KIF7: variants seen among roughly 807,000 people sequenced by gnomAD.
The protein encoded by KIF7 is kinesin family member 7.
In KIF7, 104 loss-of-function variants were observed where a neutral mutation model predicts 135.7. The ratio of observed to expected loss-of-function variants is 0.77; its 90% CI spans 0.65 to 0.90. KIF7 has a LOEUF of 0.90. Among genes scored for constraint, KIF7 ranks in the 40% least tolerant of loss-of-function variants. The probability of loss-of-function intolerance (pLI) is 0.00; values close to 1 mark genes in which losing one functional copy is unlikely to be tolerated. For synonymous variants in KIF7, 883 were observed against 809.4 expected, an observed-to-expected ratio of 1.09 and a Z score of -1.54; for missense variants, 2,005 against 1,839.1, an observed-to-expected ratio of 1.09 and a Z score of -1.65.
rs780178459 is a variant in KIF7, at chr15:89,631,707, G to A, written c.2899C>T (p.Leu967Phe). The change falls in exon 15 of 19, where the codon CTC becomes TTC. Residue 967 changes from leucine to phenylalanine, a missense_variant. Coordinates refer to ENST00000394412, the MANE Select transcript of KIF7 (RefSeq NM_198525.3). ...ESKRLRSSQALNEDIVRVSSR... is the reference protein window; with the variant it reads ...ESKRLRSSQAFNEDIVRVSSR... ...GACACTCGCACGATGTCCTCGTTGA[G>A]GGCCTGGGGGCAGAATCACCAGGGA... 9 of 1,551,006 alleles carry A rather than the reference G, an allele frequency of 5.8e-6. No homozygotes were observed. The highest frequency in any genetic ancestry group is 2.4e-5 in the South Asian group (2 of 84,116).
rs1963361669 is a variant in KIF7 at position 89,617,920 on chromosome 15, G to C, written c.*75+109C>G. The C allele has an allele frequency of 3.4e-5, 17 of 500,316 alleles. No individual in the cohort carries two copies. In the East Asian group the frequency reaches 5.7e-4, roughly 17 times the overall value. 31.0% of individuals were successfully genotyped at this position (500,316 alleles called of 1,614,324 possible). On this transcript the variant is annotated intron_variant and NMD_transcript_variant, in intron 2 of 2. Coordinates refer to the KIF7 transcript ENST00000558928. The stretch of plus-strand genomic sequence containing the variant: ...TTGGCCAGACTGGTCTCGAACTCCT[G>C]ACCTCAAGTGATCCGCCCGCCTTAG...
upstream of KIF7, among the ~76,000 whole-genome samples, chr15:89,655,920 G>A (rs530481201): frequency 6.6e-6 from 1 of 152,260 alleles, no homozygotes; most frequent in African/African-American, 2.4e-5. Context: ...CACCAGGAGG[G>A]GCAGGAGAGG....
rs1964143049 is a variant in KIF7, at chr15:89,652,724, G to C, written c.207C>G (p.Ala69=). The C allele has an allele frequency of 1.9e-6, 3 of 1,551,754 alleles. No individual in the cohort carries two copies. The East Asian group carries it at 7.3e-5, about 38-fold the overall frequency. The change falls in exon 2 of 19, where the codon GCC becomes GCG. Residue 69 remains alanine (A), a synonymous_variant. Coordinates refer to ENST00000394412, the MANE Select transcript of KIF7 (RefSeq NM_198525.3). ...GGGGCTGAACGCAGGCCTGGTACAC[G>C]GCCTCCTGCCCCGCATCCTCGGCCA... ...VVLAEDAGQE[A]VYQACVQPLL... is the part of the protein sequence containing the mutation.
intron 12 of KIF7, 79 bp downstream of exon 12, chr15:89,633,607 T>G (rs1405194944): frequency 6.6e-7 from 1 of 1,508,902 alleles, no homozygotes; most frequent in Non-Finnish European, 9.0e-7. Flanking sequence ...TTGCAAACCC[T>G]GCCTGGGCTC....
At chr15:89,652,545 C>A in intron 2 of KIF7, 58 bp downstream of exon 2, 1 of 1,316,504 alleles carries the variant, frequency 7.6e-7, no homozygotes. Context: ...AGGCAGAAAT[C>A]CAGGAAGGAA....
chr15:89,644,477 C>G (rs1596075585), intron 10 of KIF7, among the ~76,000 whole-genome samples: 1 of 151,836 alleles, frequency 6.6e-6, no homozygotes, highest in East Asian at 1.9e-4. Context: ...GAGTTCAACA[C>G]CAGCCTGGCC....
downstream of KIF7, chr15:89,623,879 C>T (rs188525807): frequency 1.2e-5 from 19 of 1,613,950 alleles, no homozygotes; most frequent in East Asian, 2.2e-4. Context: ...TCTCTTGAAA[C>T]GAAGACACCA....
rs904688190 is a variant in KIF7, at chr15:89,629,529, G to A, written c.3363C>T (p.Phe1121=). Residue 1121 remains phenylalanine, a synonymous_variant, in exon 17 of 19, where the codon TTC becomes TTT. Transcript: ENST00000394412. ...REEQHQQQIA[F]SELEMQLEEQ... is the part of the protein sequence containing the mutation. ...CCTCCAGCTGCATCTCCAGTTCCGAGAAGGCAATCTGCTGCTGGTGCTGCT... is the reference window on the plus strand; with the variant it reads ...CCTCCAGCTGCATCTCCAGTTCCGAAAAGGCAATCTGCTGCTGGTGCTGCT... 3 of 1,610,320 alleles carry A rather than the reference G, an allele frequency of 1.9e-6. No homozygotes were observed. The highest frequency in any genetic ancestry group is 1.7e-6 in the Non-Finnish European group (2 of 1,179,996).
At chr15:89,654,176 A>AT (rs1340002980) in intron 1 of KIF7, among the ~76,000 whole-genome samples, 2 of 151,722 alleles carry the variant, frequency 1.3e-5, no homozygotes, top group African/African-American at 4.8e-5. Context: ...CGCCCGGCTA[A>AT]TTTTTTGTAT....
upstream of KIF7, among the ~76,000 whole-genome samples, chr15:89,655,696 C>G (rs1003893599): frequency 9.2e-5 from 14 of 152,318 alleles, no homozygotes; most frequent in African/African-American, 3.4e-4. Context: ...TCCAGACCAT[C>G]CTGTCCTCAG....
downstream of KIF7, chr15:89,625,745 G>A: frequency 6.2e-7 from 1 of 1,612,772 alleles, no homozygotes; most frequent in Non-Finnish European, 8.5e-7. Flanking sequence ...TGGAGTGCAT[G>A]GCAGCTACCC....
chr15:89,652,373 A>G lies in KIF7; in HGVS notation c.328+230T>C, dbSNP rs577696750. 1.1e-4 allele frequency among the ~76,000 whole-genome samples: 16 copies of G among 150,630 alleles called. 1 individual carries two copies. In the Middle Eastern group the frequency reaches 0.014, roughly 128 times the overall value. ...AGCCAGGCAGCATGGCGCCATCTCT[A>G]TGGAGGTGAGAAGGCCACTCACCTC... On this transcript the variant is annotated intron_variant, in intron 2 of 18. Coordinates refer to ENST00000394412, the MANE Select transcript of KIF7 (RefSeq NM_198525.3).
rs781533296 is a variant in KIF7, at chr15:89,652,959, GGAGA to G, written c.-24-9_-24-6del. 3 of 1,466,994 alleles carry G rather than the reference GGAGA, an allele frequency of 2.0e-6. No individual in the cohort carries two copies. In the African/African-American group the frequency reaches 4.2e-5, roughly 21 times the overall value. The allele number at this position is 1,466,994 out of a possible 1,614,324, so 90.9% of individuals were successfully genotyped here. On this transcript the variant is annotated splice_polypyrimidine_tract_variant and splice_region_variant and intron_variant, in intron 1 of 18. Coordinates refer to ENST00000394412, the MANE Select transcript of KIF7 (RefSeq NM_198525.3). ...GAGGGAGGACTGCTCTGGGCCCTGT[GGAGA>G]GAGAGAGAAGCCCTGGCCATCAGCA...
At position 89,648,871 on chromosome 15, in the gene KIF7, G is replaced by T. The variant is rs1004646056; in HGVS notation, c.924-97C>A. 87 of 1,466,170 alleles carry T rather than the reference G, an allele frequency of 5.9e-5. No homozygotes were observed. The African/African-American group carries it at 1.1e-3, about 19-fold the overall frequency. The allele number at this position is 1,466,170 out of a possible 1,614,324, so 90.8% of individuals were successfully genotyped here. A position where few individuals can be genotyped will look rare whatever the true frequency, so the allele number is the denominator to read the frequency against. On this transcript the variant is annotated intron_variant, in intron 4 of 18. Coordinates refer to ENST00000394412, the MANE Select transcript of KIF7 (RefSeq NM_198525.3). ...ACCGGCTCCTGGCGCGGTTCCCGTG[G>T]GCTGGAGACCTCAGGGGACCTGGGC... is the stretch of plus-strand genomic sequence containing the variant.
In KIF7 at chr15:89,647,014, C is replaced by G. The variant is rs1326668086; in HGVS notation, c.1604G>C (p.Arg535Pro). The change falls in exon 7 of 19, where the codon CGG (arginine) becomes CCG (proline). Residue 535 changes from arginine (R) to proline (P), a missense_variant. Arg to Pro is a moderately radical substitution (Grantham distance 103). Transcript: ENST00000394412. ...REQQEEMVEL[R>P]LRLELVRPGW... is the part of the protein sequence containing the mutation. ...TGGCCGCACCAGCTCTAACCGCAGC[C>G]GCAGTTCCACCATCTCCTCCTGCTG... 6.2e-7 allele frequency: 1 copy of G among 1,611,058 alleles called. No individual in the cohort carries two copies. Among genetic ancestry groups the G allele is most frequent in the Non-Finnish European group, 8.5e-7 (1 of 1,179,112 alleles).
Position 89,647,023 on chromosome 15 carries a change from A to G in KIF7, c.1595T>C (p.Val532Ala), listed in dbSNP as rs1224705606. 2 of 1,609,370 alleles carry G rather than the reference A, an allele frequency of 1.2e-6. No individual in the cohort carries two copies. The highest frequency in any genetic ancestry group is 2.7e-5 in the African/African-American group (2 of 74,806). Residue 532 changes from valine to alanine, a missense_variant, in exon 7 of 19, where the codon GTG becomes GCG. Coordinates refer to ENST00000394412, the MANE Select transcript of KIF7 (RefSeq NM_198525.3). Reference sequence around the variant, plus strand: ...CAGCTCTAACCGCAGCCGCAGTTCCACCATCTCCTCCTGCTGCTCACGCAG... The same window carrying G: ...CAGCTCTAACCGCAGCCGCAGTTCCGCCATCTCCTCCTGCTGCTCACGCAG... ...DRLREQQEEM[V>A]ELRLRLELVR...
rs72750754 is a variant in KIF7 at position 89,642,040 on chromosome 15, G to A, written c.2394+163C>T. Among the ~76,000 whole-genome samples the A allele has an allele frequency of 0.28, 42,976 of 151,802 alleles. 6,922 individuals are homozygous for A. The highest frequency in any genetic ancestry group is 0.44 in the East Asian group (2,245 of 5,092). On this transcript the variant is annotated intron_variant, in intron 11 of 18. Transcript: ENST00000394412. ...GCCTCTACTGTGTGTAAAGCTGGGC[G>A]GACCCCCAGCTTCTATACCAGCCTC... is the stretch of plus-strand genomic sequence containing the variant.
At chr15:89,630,114 T>TA in intron 16 of KIF7, 173 bp downstream of exon 16, 1 of 662,668 alleles carries the variant, frequency 1.5e-6, no homozygotes, top group Non-Finnish European at 2.6e-6. Flanking sequence ...AACTGGGTCT[T>TA]AGTTTCACAA....
chr15:89,648,946 G>A (rs1964072846), intron 4 of KIF7, 28 bp downstream of exon 4: 2 of 1,511,394 alleles, frequency 1.3e-6, no homozygotes, highest in Admixed American at 2.0e-5. Context: ...CGGCCCCCAG[G>A]CCACATAGGA....
Sources: allele counts gnomAD v4.1 joint callset (sites outside exome capture counted in the v4.1 genomes callset), GRCh38; gene constraint gnomAD v4.1.1; transcripts MANE v1.5; gene names NCBI Gene and HGNC (gene_info 2026-07-23, HGNC 2026-07-21).